FOXJ3: variants seen among roughly 807,000 people sequenced by gnomAD.
The protein encoded by FOXJ3 is forkhead box J3, also known as forkhead box protein J3.
In FOXJ3, 22 loss-of-function variants were observed where a neutral mutation model predicts 76.1. That is an observed-to-expected ratio of 0.29 (90% CI 0.21 to 0.41). FOXJ3 has a LOEUF of 0.41. Among genes scored for constraint, FOXJ3 ranks in the 10% least tolerant of loss-of-function variants. The pLI, the probability that FOXJ3 is intolerant of heterozygous loss-of-function variation, is 1.00. For synonymous variants in FOXJ3, 269 were observed against 261.2 expected (o/e 1.03, Z -0.29); for missense variants, 613 against 762.1 (o/e 0.80, Z 2.30).
intron 2 of FOXJ3, among the ~76,000 whole-genome samples, chr1:42,308,077 A>G (rs555651684): frequency 6.6e-6 from 1 of 152,178 alleles, no homozygotes; most frequent in Non-Finnish European, 1.5e-5. Flanking sequence ...CTTATACACA[A>G]ATTGTCCACT....
At chr1:42,335,270 A>G (rs970244283), upstream of FOXJ3, 2 of 150,984 alleles carry the variant, frequency 1.3e-5, no homozygotes, top group African/African-American at 4.9e-5. Context: ...CCTCGCCGCC[A>G]CCGCCTCCTG....
At chr1:42,233,693 G>T (rs1648344588) in intron 4 of FOXJ3, among the ~76,000 whole-genome samples, 1 of 104,278 alleles carries the variant, frequency 9.6e-6, no homozygotes, top group Non-Finnish European at 2.0e-5. Context: ...GGAGATTTTG[G>T]GCTGAGATGA....
rs373453431 is a variant in FOXJ3 at position 42,276,113 on chromosome 1, T to C, written c.369+2235A>G. Among the ~76,000 whole-genome samples the C allele has an allele frequency of 3.2e-4, 49 of 152,102 alleles. No homozygotes were observed. In the South Asian group the frequency reaches 0.01, roughly 32 times the overall value. On this transcript the variant is annotated intron_variant, in intron 3 of 12. Transcript: ENST00000361346. ...GCTCACACCTGTAATCCCAACACTT[T>C]GGGAGGCTGAGGCAGGTGGATCACC...
intron 4 of FOXJ3, among the ~76,000 whole-genome samples, chr1:42,243,648 T>A: frequency 6.6e-6 from 1 of 151,630 alleles, no homozygotes; most frequent in African/African-American, 2.4e-5. Flanking sequence ...AGACTTTAAG[T>A]CAAAAACAAC....
intron 1 of FOXJ3, among the ~76,000 whole-genome samples, chr1:42,317,504 A>C (rs898052945): frequency 7.2e-6 from 1 of 138,020 alleles, no homozygotes; most frequent in East Asian, 2.1e-4. Flanking sequence ...CAGATAATTA[A>C]GAGAAACCAT....
chr1:42,335,751 C>T (rs1372833962), upstream of FOXJ3: 1 of 152,218 alleles, frequency 6.6e-6, no homozygotes. Context: ...CTTTTCAGAA[C>T]TTCATGAGTC....
intron 2 of FOXJ3, among the ~76,000 whole-genome samples, chr1:42,291,083 T>TAGATAGATAGACAGACAGAC (rs1553167260): frequency 5.1e-4 from 64 of 126,462 alleles, no homozygotes; most frequent in East Asian, 1.9e-3. Context: ...GATAGATAGA[T>TAGATAGATAGACAGACAGAC]AGACAGACAG....
chr1:42,217,931 A>T (rs1647104647), intron 5 of FOXJ3, among the ~76,000 whole-genome samples: 1 of 152,206 alleles, frequency 6.6e-6, no homozygotes, highest in South Asian at 2.1e-4. Context: ...CTCTTATGAA[A>T]CTTTTCATGA....
At chr1:42,260,963 A>G (rs1650986304) in intron 4 of FOXJ3, among the ~76,000 whole-genome samples, 1 of 152,218 alleles carries the variant, frequency 6.6e-6, no homozygotes, top group African/African-American at 2.4e-5. Context: ...CTAAGTTTAG[A>G]TAACTGTTGA....
chr1:42,334,813 A>T (rs1012846924), intron 1 of FOXJ3: 1 of 152,120 alleles, frequency 6.6e-6, no homozygotes, highest in Non-Finnish European at 1.5e-5. Flanking sequence ...GCTGCTTCCC[A>T]GCTGAGGGGC....
chr1:42,250,207 T>C (rs1455045283), intron 4 of FOXJ3, among the ~76,000 whole-genome samples: 1 of 152,198 alleles, frequency 6.6e-6, no homozygotes, highest in Non-Finnish European at 1.5e-5. Context: ...TTAAAATCAT[T>C]TTACTTTTTA....
chr1:42,227,039 AG>A (rs1311326721), intron 5 of FOXJ3, among the ~76,000 whole-genome samples: 1 of 152,274 alleles, frequency 6.6e-6, no homozygotes, highest in Non-Finnish European at 1.5e-5. Context: ...TACAAATGAA[AG>A]GTATTTTCTC....
chr1:42,220,852 G>C (rs1323930574), intron 5 of FOXJ3, among the ~76,000 whole-genome samples: 3 of 152,104 alleles, frequency 2.0e-5, no homozygotes, highest in Non-Finnish European at 2.9e-5. Context: ...CTGCTTCTGA[G>C]GAAACCCAAA....
intron 4 of FOXJ3, among the ~76,000 whole-genome samples, chr1:42,259,771 T>C (rs759482642): frequency 1.7e-4 from 26 of 152,224 alleles, no homozygotes; most frequent in Non-Finnish European, 3.5e-4. Flanking sequence ...TTAGTACTTA[T>C]ATTAATTCCC....
intron 2 of FOXJ3, among the ~76,000 whole-genome samples, chr1:42,309,074 G>A (rs1172288330): frequency 6.7e-6 from 1 of 148,920 alleles, no homozygotes; most frequent in Admixed American, 6.7e-5. Flanking sequence ...AGTCAAATAT[G>A]TAAAAACTAC....
intron 4 of FOXJ3, among the ~76,000 whole-genome samples, chr1:42,246,823 A>T: frequency 6.6e-6 from 1 of 152,218 alleles, no homozygotes; most frequent in Non-Finnish European, 1.5e-5. Context: ...GGGATAAAGA[A>T]CATATGGTAT....
chr1:42,324,135 C>T (rs9439057), intron 1 of FOXJ3, among the ~76,000 whole-genome samples: 345 of 33,544 alleles, frequency 0.01, 1 homozygote, highest in African/African-American at 0.021. Context: ...AGTGTATATA[C>T]AGTATATATA....
At position 42,278,348 on chromosome 1, in the gene FOXJ3, C is replaced by T; in HGVS notation, c.369G>A (p.Lys123=). 6.3e-7 allele frequency: 1 copy of T among 1,593,174 alleles called. No homozygotes were observed. The highest frequency in any genetic ancestry group is 8.6e-7 in the Non-Finnish European group (1 of 1,162,844). Residue 123 remains lysine (K), a splice_region_variant and synonymous_variant, in exon 3 of 13, where the codon AAG becomes AAA. Transcript: ENST00000361346. ...GTAATAATTTAAATAAAATCCTTACCTTCCAACCACTGCCAGCCTCTCTAT... is the reference window on the plus strand; with the variant it reads ...GTAATAATTTAAATAAAATCCTTACTTTCCAACCACTGCCAGCCTCTCTAT... ...PYYREAGSGW[K]NSIRHNLSLN...
chr1:42,306,791 T>C lies in FOXJ3; in HGVS notation c.44+4259A>G, dbSNP rs144252064. Among the ~76,000 whole-genome samples the C allele has an allele frequency of 3.5e-4, 53 of 152,360 alleles. No homozygotes were observed. In the East Asian group the frequency reaches 8.9e-3, roughly 25 times the overall value. The stretch of plus-strand genomic sequence containing the variant: ...TAATTTCACAGTGTTTAAAAAACTT[T>C]TGAGGATTTTTTAAGTAATATGCAG... On this transcript the variant is annotated intron_variant, in intron 2 of 12. Transcript: ENST00000361346.
Sources: allele counts gnomAD v4.1 joint callset (sites outside exome capture counted in the v4.1 genomes callset), GRCh38; gene constraint gnomAD v4.1.1; transcripts MANE v1.5; gene names NCBI Gene and HGNC (gene_info 2026-07-23, HGNC 2026-07-21).